The following ME1 variants were observed in gnomAD, a reference collection of about 807,000 sequenced individuals.
ME1 encodes the protein malic enzyme 1, also known as NADP-dependent malic enzyme.
Under a neutral mutation model 66.4 loss-of-function variants are expected in ME1, and 74 were observed. The observed-to-expected ratio is 1.11, with a 90% confidence interval of 0.92 to 1.35. The LOEUF is 1.35. ME1 is among the 40% of genes most tolerant of loss of function. The probability of loss-of-function intolerance (pLI) is 0.00; values close to 1 mark genes in which losing one functional copy is unlikely to be tolerated. For missense variants in ME1, 750 were observed against 694.1 expected (o/e 1.08, Z -0.90); for synonymous variants, 251 against 235.6 (o/e 1.07, Z -0.60).
rs534911115 is a variant in ME1, at chr6:83,211,354, G to A, written c.*570C>T. ...ATTAAAATCTAAGGCTGCACAAGGC[G>A]CTGTAAACAGCAGTGATCTTTCTCT... On this transcript the variant is annotated 3_prime_UTR_variant, in exon 14 of 14. Transcript: ENST00000369705. 3.3e-5 allele frequency: 5 copies of A among 152,746 alleles called. No individual in the cohort carries two copies. The highest frequency in any genetic ancestry group is 4.8e-5 in the African/African-American group (2 of 41,578). 9.5% of individuals were successfully genotyped at this position (152,746 alleles called of 1,614,324 possible). A position where few individuals can be genotyped will look rare whatever the true frequency, so the allele number is the denominator to read the frequency against.
chr6:83,386,555 A>T (rs1220872455), intron 3 of ME1, among the ~76,000 whole-genome samples: 1 of 151,936 alleles, frequency 6.6e-6, no homozygotes, highest in East Asian at 1.9e-4. Flanking sequence ...AGCTCCACAC[A>T]TCTCAGAGTG....
At position 83,417,366 on chromosome 6, in the gene ME1, G is replaced by GTTT. The variant is rs1167133929; in HGVS notation, c.79-9468_79-9466dup. ...GCCTAACTAACATGTTTTTTTTGTT[G>GTTT]TTTTTTGTTGTTGTTGTTGTTGTTG... On this transcript the variant is annotated intron_variant, in intron 1 of 13. Coordinates refer to ENST00000369705, the MANE Select transcript of ME1 (RefSeq NM_002395.6). 6.9e-5 allele frequency among the ~76,000 whole-genome samples: 9 copies of GTTT among 130,716 alleles called. No individual in the cohort carries two copies. The East Asian group carries it at 8.6e-4, about 12-fold the overall frequency. 85.8% of individuals were successfully genotyped at this position (130,716 alleles called of 152,430 possible). A position where few individuals can be genotyped will look rare whatever the true frequency, so the allele number is the denominator to read the frequency against.
At chr6:83,252,933 T>C (rs887174474) in intron 7 of ME1, among the ~76,000 whole-genome samples, 3 of 152,094 alleles carry the variant, frequency 2.0e-5, no homozygotes, top group African/African-American at 7.2e-5. Flanking sequence ...AAAATTCAAA[T>C]AAGATAAACA....
chr6:83,243,644 CG>C (rs1562457603), intron 7 of ME1, among the ~76,000 whole-genome samples: 1 of 93,152 alleles, frequency 1.1e-5, no homozygotes, highest in African/African-American at 4.8e-5. Flanking sequence ...TACATTATAT[CG>C]ATATAATCTA....
chr6:83,344,974 T>A, intron 5 of ME1, among the ~76,000 whole-genome samples: 1 of 151,978 alleles, frequency 6.6e-6, no homozygotes, highest in African/African-American at 2.4e-5. Context: ...ATTTTTAAAA[T>A]AAAGAAGAAA....
intron 1 of ME1, among the ~76,000 whole-genome samples, chr6:83,428,019 A>G (rs1354167639): frequency 2.6e-5 from 4 of 152,048 alleles, no homozygotes; most frequent in Admixed American, 6.5e-5. Flanking sequence ...CTCAAAAAAA[A>G]AAAAAGGAAA....
intron 6 of ME1, among the ~76,000 whole-genome samples, chr6:83,273,982 C>T (rs1767131440): frequency 6.6e-6 from 1 of 152,068 alleles, no homozygotes; most frequent in Non-Finnish European, 1.5e-5. Flanking sequence ...CTATGTTTGG[C>T]CCTATTAATC....
At chr6:83,378,702 A>G (rs1420475345) in intron 3 of ME1, among the ~76,000 whole-genome samples, 1 of 149,132 alleles carries the variant, frequency 6.7e-6, no homozygotes, top group Non-Finnish European at 1.5e-5. Context: ...AACCAATTCA[A>G]TGTGGCAGTT....
At chr6:83,325,949 A>C (rs1391978099) in intron 5 of ME1, among the ~76,000 whole-genome samples, 1 of 67,898 alleles carries the variant, frequency 1.5e-5, no homozygotes, top group Non-Finnish European at 3.3e-5. Flanking sequence ...CGAAGCAAAC[A>C]AAAAAAAAAA....
rs531696443 is a variant in ME1 at position 83,333,551 on chromosome 6, G to C, written c.600+12622C>G. ...TTCTTCACACACATTATGAGTTAAA[G>C]ACCATAAAAATTTAGATTAGGATGT... On this transcript the variant is annotated intron_variant, in intron 5 of 13. Coordinates refer to ENST00000369705, the MANE Select transcript of ME1 (RefSeq NM_002395.6). Among the ~76,000 whole-genome samples, 62 of 152,206 alleles carry C rather than the reference G, an allele frequency of 4.1e-4. 1 individual carries two copies. In the South Asian group the frequency reaches 0.013, roughly 31 times the overall value.
intron 5 of ME1, among the ~76,000 whole-genome samples, chr6:83,325,506 C>T (rs975539021): frequency 6.6e-6 from 1 of 152,182 alleles, no homozygotes; most frequent in Non-Finnish European, 1.5e-5. Context: ...TGATAGGCAA[C>T]TTCAGCAAAA....
chr6:83,266,704 T>C (rs1331867137), intron 6 of ME1, among the ~76,000 whole-genome samples: 3 of 152,184 alleles, frequency 2.0e-5, no homozygotes, highest in Admixed American at 6.6e-5. Context: ...CCAAACTGTT[T>C]TAGAATTGCT....
chr6:83,312,943 G>A (rs1033705646), intron 6 of ME1, among the ~76,000 whole-genome samples: 1 of 152,062 alleles, frequency 6.6e-6, no homozygotes, highest in South Asian at 2.1e-4. Flanking sequence ...TTTTAGTAGA[G>A]ACAGGGTTTC....
At chr6:83,408,800 T>C (rs1238119151) in intron 1 of ME1, among the ~76,000 whole-genome samples, 2 of 152,170 alleles carry the variant, frequency 1.3e-5, no homozygotes, top group Non-Finnish European at 2.9e-5. Flanking sequence ...AGGCATCTGA[T>C]TGGAGACACT....
chr6:83,298,030 C>T (rs976903000), intron 6 of ME1, among the ~76,000 whole-genome samples: 3 of 152,170 alleles, frequency 2.0e-5, no homozygotes, highest in South Asian at 2.1e-4. Flanking sequence ...CATACGCTTG[C>T]ATGTATCTTT....
chr6:83,229,698 G>A (rs1319253314), intron 9 of ME1, among the ~76,000 whole-genome samples: 1 of 152,146 alleles, frequency 6.6e-6, no homozygotes, highest in Non-Finnish European at 1.5e-5. Context: ...AGAACTCAAA[G>A]CCTTTTCAAT....
chr6:83,279,799 T>C (rs1484615567), intron 6 of ME1, among the ~76,000 whole-genome samples: 1 of 152,018 alleles, frequency 6.6e-6, no homozygotes. Context: ...CATCATGCTG[T>C]ATAAATACCA....
chr6:83,212,691 T>C (rs1340515043), intron 13 of ME1, among the ~76,000 whole-genome samples: 1 of 147,756 alleles, frequency 6.8e-6, no homozygotes, highest in East Asian at 2.0e-4. Flanking sequence ...CCTAGAACGA[T>C]GCAGTAAACT....
chr6:83,388,918 C>T (rs1171059227), intron 3 of ME1, among the ~76,000 whole-genome samples: 2 of 151,988 alleles, frequency 1.3e-5, no homozygotes, highest in African/African-American at 2.4e-5. Context: ...AAGTTTGAGA[C>T]CAGCCTGGGC....
Sources: gnomAD v4.1 joint callset for allele counts (sites outside exome capture counted in the v4.1 genomes callset) on GRCh38, gnomAD v4.1.1 for gene constraint, MANE v1.5 for transcripts, NCBI Gene and HGNC (gene_info 2026-07-23, HGNC 2026-07-21) for gene names.